The following GAB2 variants were observed in gnomAD, a reference collection of about 807,000 sequenced individuals.
The protein encoded by GAB2 is GRB2-associated-binding protein 2.
Under a neutral mutation model 65.5 loss-of-function variants are expected in GAB2, and 26 were observed. The ratio of observed to expected loss-of-function variants is 0.40; its 90% CI spans 0.29 to 0.55. The LOEUF (loss-of-function observed/expected upper bound fraction) is 0.55, where lower values mean the gene tolerates loss of function less well. GAB2 is among the 20% of genes least tolerant of loss of function. The pLI is 0.53. For synonymous variants in GAB2, 321 were observed against 329.6 expected (o/e 0.97, Z 0.28); for missense variants, 884 against 875.8 (o/e 1.01, Z -0.12).
chr11:78,221,575 C>T (rs1864424736), intron 8 of GAB2, 102 bp downstream of exon 8: 1 of 632,286 alleles, frequency 1.6e-6, no homozygotes, highest in Admixed American at 2.5e-5. Flanking sequence ...TACAAGGAGT[C>T]CCTGGGCTGA....
chr11:78,374,197 AAC>A (rs1358198422), intron 1 of GAB2, among the ~76,000 whole-genome samples: 1 of 152,160 alleles, frequency 6.6e-6, no homozygotes, highest in East Asian at 1.9e-4. Context: ...GTAATCCGAA[AAC>A]ACACTTCCTC....
Position 78,294,270 on chromosome 11 carries a change from A to T in GAB2, c.76-13369T>A, listed in dbSNP as rs1386849072. Among the ~76,000 whole-genome samples, 5 of 152,272 alleles carry T rather than the reference A, an allele frequency of 3.3e-5. No individual in the cohort carries two copies. The East Asian group carries it at 9.6e-4, about 29-fold the overall frequency. On this transcript the variant is annotated intron_variant, in intron 1 of 9. Transcript: ENST00000361507. ...AACTCATTTTTTATGGCTGCATAGT[A>T]TTCCATGGTGTATATGTGCCACATT...
rs201487923 is a variant in GAB2 at position 78,225,226 on chromosome 11, A to G, written c.1208-24T>C. Reference sequence around the variant, plus strand: ...AGCTGACAGAGGAAGGAGGATTCATAAGTACTCATGGTTGATTCATGTGTT... The same window carrying G: ...AGCTGACAGAGGAAGGAGGATTCATGAGTACTCATGGTTGATTCATGTGTT... On this transcript the variant is annotated intron_variant, in intron 4 of 9. Transcript: ENST00000361507. 90 of 1,490,988 alleles carry G rather than the reference A, an allele frequency of 6.0e-5. No individual in the cohort carries two copies. In the South Asian group the frequency reaches 7.7e-4, roughly 13 times the overall value. 92.4% of individuals were successfully genotyped at this position (1,490,988 alleles called of 1,614,324 possible). A position where few individuals can be genotyped will look rare whatever the true frequency, so the allele number is the denominator to read the frequency against.
intron 1 of GAB2, among the ~76,000 whole-genome samples, chr11:78,332,018 T>TC (rs1855923539): frequency 6.6e-6 from 1 of 152,132 alleles, no homozygotes; most frequent in Non-Finnish European, 1.5e-5. Context: ...GGCTTGCCCC[T>TC]CCTCCCTTTG....
intron 1 of GAB2, among the ~76,000 whole-genome samples, chr11:78,350,258 G>A (rs946635972): frequency 6.6e-6 from 1 of 152,146 alleles, no homozygotes; most frequent in African/African-American, 2.4e-5. Context: ...CTAGGCTCTA[G>A]CGGGTAGCTC....
intron 1 of GAB2, among the ~76,000 whole-genome samples, chr11:78,408,416 T>C (rs1196486034): frequency 6.6e-6 from 1 of 152,040 alleles, no homozygotes; most frequent in East Asian, 1.9e-4. Flanking sequence ...AAAAACACTA[T>C]ATAGATAAAT....
At chr11:78,230,355 G>T (rs1328361218) in intron 3 of GAB2, among the ~76,000 whole-genome samples, 1 of 152,064 alleles carries the variant, frequency 6.6e-6, no homozygotes, top group Non-Finnish European at 1.5e-5. Flanking sequence ...TTCAGCCCTG[G>T]TCTTGCATTA....
At chr11:78,266,214 CA>C (rs11445907) in intron 2 of GAB2, among the ~76,000 whole-genome samples, 1,117 of 64,946 alleles carry the variant, frequency 0.017, 15 homozygotes, top group East Asian at 0.074. Context: ...GACTCCATCT[CA>C]AAAAAAAAAA....
intron 1 of GAB2, among the ~76,000 whole-genome samples, chr11:78,301,659 C>T (rs907745632): frequency 2.6e-5 from 4 of 152,160 alleles, no homozygotes; most frequent in South Asian, 2.1e-4. Context: ...AAAGAACAAA[C>T]GTTTCTGAGT....
chr11:78,367,893 T>C (rs1337256312), intron 1 of GAB2, among the ~76,000 whole-genome samples: 12 of 146,974 alleles, frequency 8.2e-5, no homozygotes, highest in African/African-American at 3.0e-4. Flanking sequence ...CTCTGCTCAC[T>C]GCAAGCTCCG....
At chr11:78,355,286 C>A (rs1216939294) in intron 1 of GAB2, among the ~76,000 whole-genome samples, 1 of 152,148 alleles carries the variant, frequency 6.6e-6, no homozygotes, top group African/African-American at 2.4e-5. Context: ...CCAAAACGTC[C>A]CTGTGGGCAA....
At chr11:78,407,633 C>CAAAAAAAGAAAGAAAGAAAGAAAGAAAG (rs1555001651) in intron 1 of GAB2, among the ~76,000 whole-genome samples, 1,489 of 93,254 alleles carry the variant, frequency 0.016, 47 homozygotes, top group African/African-American at 0.05. Flanking sequence ...AACTCCTTCT[C>CAAAAAAAGAAAGAAAGAAAGAAAGAAAG]AAAGAAAGAA....
chr11:78,402,694 G>A (rs111567365), intron 1 of GAB2, among the ~76,000 whole-genome samples: 1 of 151,922 alleles, frequency 6.6e-6, no homozygotes, highest in Non-Finnish European at 1.5e-5. Context: ...CAGGTGACCT[G>A]CCCGCCTCGG....
At chr11:78,275,192 C>G (rs1010840695) in intron 2 of GAB2, among the ~76,000 whole-genome samples, 14 of 152,118 alleles carry the variant, frequency 9.2e-5, no homozygotes, top group Non-Finnish European at 1.9e-4. Flanking sequence ...GGAAGAGTTT[C>G]TGGGGCTGAT....
chr11:78,351,792 C>G (rs1856282315), intron 1 of GAB2, among the ~76,000 whole-genome samples: 1 of 152,092 alleles, frequency 6.6e-6, no homozygotes, highest in Non-Finnish European at 1.5e-5. Context: ...AGGACCAGGA[C>G]TCTAATTCCA....
chr11:78,288,726 A>T (rs1866563431), intron 1 of GAB2, among the ~76,000 whole-genome samples: 4 of 152,256 alleles, frequency 2.6e-5, no homozygotes, highest in Admixed American at 1.3e-4. Context: ...CATGGATTGG[A>T]CAACTCGACT....
chr11:78,368,260 C>G (rs1856524175), intron 1 of GAB2, among the ~76,000 whole-genome samples: 3 of 152,194 alleles, frequency 2.0e-5, no homozygotes, highest in Admixed American at 6.5e-5. Flanking sequence ...AGCAACTCAA[C>G]CAATGCATCT....
At chr11:78,365,130 T>C (rs1856481053) in intron 1 of GAB2, among the ~76,000 whole-genome samples, 3 of 152,154 alleles carry the variant, frequency 2.0e-5, no homozygotes, top group Admixed American at 1.3e-4. Flanking sequence ...TCCACTGTTA[T>C]GAAACAAATA....
chr11:78,338,835 A>C (rs1227902907), intron 1 of GAB2, among the ~76,000 whole-genome samples: 1 of 152,198 alleles, frequency 6.6e-6, no homozygotes, highest in Non-Finnish European at 1.5e-5. Flanking sequence ...CAATGACTCC[A>C]AATTTCACTG....
Sources: allele counts gnomAD v4.1 joint callset (sites outside exome capture counted in the v4.1 genomes callset), GRCh38; gene constraint gnomAD v4.1.1; transcripts MANE v1.5; gene names NCBI Gene and HGNC (gene_info 2026-07-23, HGNC 2026-07-21).